Variants in PLCB1 observed in about 807,000 individuals in gnomAD.
The protein encoded by PLCB1 is 1-phosphatidylinositol 4,5-bisphosphate phosphodiesterase beta-1.
Under a neutral mutation model 161.8 loss-of-function variants are expected in PLCB1, and 46 were observed. The observed-to-expected ratio is 0.28, with a 90% CI of 0.22 to 0.36. The LOEUF (loss-of-function observed/expected upper bound fraction) is 0.36. PLCB1 is among the 10% of genes least tolerant of loss of function. PLCB1 has a pLI of 1.00. For synonymous variants in PLCB1, 517 were observed against 503.7 expected (o/e 1.03, Z -0.35); for missense variants, 1,016 against 1,472.5 (o/e 0.69, Z 5.07).
intron 3 of PLCB1, among the ~76,000 whole-genome samples, chr20:8,451,352 A>AT (rs1981067301): frequency 6.6e-6 from 1 of 152,028 alleles, no homozygotes; most frequent in East Asian, 1.9e-4. Context: ...TGCCTTCTTT[A>AT]TTTTTTATTT....
intron 2 of PLCB1, among the ~76,000 whole-genome samples, chr20:8,179,846 CTTTTTTTTTTTTT>C (rs35174594): frequency 2.8e-5 from 2 of 71,418 alleles, no homozygotes; most frequent in Non-Finnish European, 5.2e-5. Context: ...TTGTTGAGGG[CTTTTTTTTTTTTT>C]TTTTTTTTTT....
At chr20:8,565,845 TG>T (rs1344430027) in intron 3 of PLCB1, among the ~76,000 whole-genome samples, 2 of 152,096 alleles carry the variant, frequency 1.3e-5, no homozygotes, top group African/African-American at 4.8e-5. Context: ...AGGTTCCAAC[TG>T]CCATTTTGGA....
intron 31 of PLCB1, among the ~76,000 whole-genome samples, chr20:8,806,499 G>A (rs554331126): frequency 5.9e-5 from 9 of 151,970 alleles, no homozygotes; most frequent in East Asian, 1.9e-4. Context: ...CAAGCCATTC[G>A]GCTTATACAT....
chr20:8,737,350 A>G (rs886685994), intron 20 of PLCB1, among the ~76,000 whole-genome samples, 158 bp downstream of exon 20: 2 of 152,230 alleles, frequency 1.3e-5, no homozygotes, highest in African/African-American at 4.8e-5. Flanking sequence ...CCCTTCAAGA[A>G]TTCTGTTAAT....
chr20:8,649,880 G>A (rs1164154307), intron 7 of PLCB1: 1 of 156,052 alleles, frequency 6.4e-6, no homozygotes, highest in Admixed American at 6.3e-5. Flanking sequence ...CCAAGAGGTG[G>A]GGTTTTTGCT....
rs138448857 is a variant in PLCB1, at chr20:8,673,233, A to G, written c.863-11699A>G. 2.0e-5 allele frequency among the ~76,000 whole-genome samples: 3 copies of G among 152,228 alleles called. No homozygotes were observed. The South Asian group carries it at 6.2e-4, about 32-fold the overall frequency. ...TACTTTACTTGTGAACCTAATAGGA[A>G]ATTCTACCAGGGCTGAGCAAATTCG... On this transcript the variant is annotated intron_variant, in intron 9 of 31. Coordinates refer to ENST00000338037, the MANE Select transcript of PLCB1 (RefSeq NM_015192.4).
chr20:8,593,732 A>T (rs1415245732), intron 3 of PLCB1, among the ~76,000 whole-genome samples: 1 of 152,040 alleles, frequency 6.6e-6, no homozygotes, highest in Non-Finnish European at 1.5e-5. Context: ...TAATTTTGAT[A>T]ACTAAGAATG....
Position 8,727,392 on chromosome 20 carries a change from G to A in PLCB1, c.1762G>A (p.Glu588Lys). 1 of 1,515,210 alleles carries A rather than the reference G, an allele frequency of 6.6e-7. No individual in the cohort carries two copies. The highest frequency in any genetic ancestry group is 9.2e-7 in the Non-Finnish European group (1 of 1,091,974). The allele number at this position is 1,515,210 out of a possible 1,614,324, so 93.9% of individuals were successfully genotyped here. A position where few individuals can be genotyped will look rare whatever the true frequency, so the allele number is the denominator to read the frequency against. The change falls in exon 17 of 32, where the codon GAA (glutamate) becomes AAA (lysine). Residue 588 changes from glutamate (E) to lysine (K), a missense_variant and splice_region_variant. This residue lies in a region of PLCB1 where 67 missense variants were observed against 195.6 expected (regional missense o/e 0.34). Coordinates refer to ENST00000338037, the MANE Select transcript of PLCB1 (RefSeq NM_015192.4). ...QLTKSPVEFV[E>K]YNKMQLSRIY... is the part of the protein sequence containing the mutation. ...CACCAAGTCTCCAGTGGAATTTGTA[G>A]AGTATCCTTGATTTGACGAATGACT...
At chr20:8,149,938 C>T (rs895135303) in intron 1 of PLCB1, among the ~76,000 whole-genome samples, 4 of 152,032 alleles carry the variant, frequency 2.6e-5, no homozygotes, top group African/African-American at 4.8e-5. Context: ...AAATACTATT[C>T]TTAAGCATGG....
chr20:8,569,928 A>ATATATT (rs1986451847), intron 3 of PLCB1, among the ~76,000 whole-genome samples: 1 of 152,150 alleles, frequency 6.6e-6, no homozygotes, highest in African/African-American at 2.4e-5. Context: ...GAGCAATGAA[A>ATATATT]TATATTTCTT....
At chr20:8,571,532 A>G (rs1195551358) in intron 3 of PLCB1, among the ~76,000 whole-genome samples, 1 of 152,180 alleles carries the variant, frequency 6.6e-6, no homozygotes, top group East Asian at 1.9e-4. Context: ...GATGGTTTAT[A>G]AGATGGCTTG....
At chr20:8,139,104 T>TTTTTTTA (rs4053160) in intron 1 of PLCB1, among the ~76,000 whole-genome samples, 2 of 143,142 alleles carry the variant, frequency 1.4e-5, no homozygotes, top group East Asian at 2.0e-4. Context: ...TTTTTTTTTT[T>TTTTTTTA]GAGACAGAGT....
chr20:8,760,618 CATGAT>C (rs1193311924), intron 25 of PLCB1, among the ~76,000 whole-genome samples, 158 bp downstream of exon 25: 9 of 152,156 alleles, frequency 5.9e-5, no homozygotes, highest in Non-Finnish European at 1.0e-4. Flanking sequence ...GTTTAGTCTA[CATGAT>C]ATGATATAAT....
intron 31 of PLCB1, among the ~76,000 whole-genome samples, chr20:8,830,349 A>G (rs924946895): frequency 2.6e-5 from 4 of 152,268 alleles, no homozygotes; most frequent in Admixed American, 2.6e-4. Flanking sequence ...AGCTTTATCC[A>G]GAAGACAGGA....
intron 3 of PLCB1, among the ~76,000 whole-genome samples, chr20:8,376,310 A>C (rs1364749525): frequency 6.6e-6 from 1 of 152,238 alleles, no homozygotes; most frequent in Admixed American, 6.5e-5. Context: ...CTTTGTAAAT[A>C]TCTAGGCCGC....
rs147716599 is a variant in PLCB1, at chr20:8,365,187, G to T, written c.178-6195G>T. Among the ~76,000 whole-genome samples the T allele has an allele frequency of 2.6e-3, 394 of 152,284 alleles. 2 individuals carry two copies. Among genetic ancestry groups the T allele is most frequent in the African/African-American group, 9.1e-3 (380 of 41,572 alleles). ...ATCTGCACCTGTGTTTGACAGATGA[G>T]GATACAAGGCATGCATGAGCATCTG... On this transcript the variant is annotated intron_variant, in intron 2 of 31. Transcript: ENST00000338037.
intron 26 of PLCB1, among the ~76,000 whole-genome samples, chr20:8,767,406 C>T (rs917978254): frequency 3.3e-5 from 5 of 152,160 alleles, no homozygotes; most frequent in Admixed American, 3.3e-4. Flanking sequence ...TCCCTGCCTC[C>T]CTTCCCAGCT....
intron 2 of PLCB1, among the ~76,000 whole-genome samples, chr20:8,214,340 G>T (rs776091199): frequency 1.3e-5 from 2 of 152,020 alleles, no homozygotes; most frequent in African/African-American, 4.8e-5. Flanking sequence ...CTGTCCTCAC[G>T]ACAGTGATTG....
chr20:8,465,919 T>C (rs1245673261), intron 3 of PLCB1, among the ~76,000 whole-genome samples: 5 of 150,702 alleles, frequency 3.3e-5, no homozygotes, highest in African/African-American at 7.4e-5. Context: ...AGTGTGGCGA[T>C]TCCTCAGGGA....
Sources: gnomAD v4.1 joint callset for allele counts (sites outside exome capture counted in the v4.1 genomes callset) on GRCh38, gnomAD v4.1.1 for gene constraint, gnomAD v4.1.1 regional missense constraint, MANE v1.5 for transcripts, NCBI Gene and HGNC (gene_info 2026-07-23, HGNC 2026-07-21) for gene names.